RBFOX1: variants seen among roughly 807,000 people sequenced by gnomAD.
RBFOX1 encodes the protein RNA binding fox-1 homolog 1, also known as RNA binding protein fox-1 homolog 1.
A neutral mutation model predicts 57.7 loss-of-function variants in RBFOX1; 8 were observed. That is an observed-to-expected ratio of 0.14 (90% CI 0.08 to 0.25). RBFOX1 has a LOEUF of 0.25. Ranked by LOEUF, RBFOX1 falls within the 10% of genes least tolerant of loss-of-function variation. RBFOX1 has a pLI of 1.00. For synonymous variants in RBFOX1, 326 were observed against 222.4 expected, an observed-to-expected ratio of 1.47 and a Z score of -4.15; for missense variants, 611 against 548.5, an observed-to-expected ratio of 1.11 and a Z score of -1.14.
rs530503391 is a variant in RBFOX1, at chr16:7,475,539, C to T, written c.28-42608C>T. ...CCGTGTTAGGCATGATAGTCTTGATCTCCTGACCTCGTGATCACCCACCTT... is the reference window on the plus strand; with the variant it reads ...CCGTGTTAGGCATGATAGTCTTGATTTCCTGACCTCGTGATCACCCACCTT... On this transcript the variant is annotated intron_variant, in intron 4 of 15. Transcript: ENST00000550418. 7.9e-5 allele frequency among the ~76,000 whole-genome samples: 12 copies of T among 152,214 alleles called. No homozygotes were observed. The South Asian group carries it at 2.5e-3, about 32-fold the overall frequency.
intron 1 of RBFOX1, among the ~76,000 whole-genome samples, chr16:5,448,227 G>C (rs1335638986): frequency 2.0e-5 from 3 of 152,234 alleles, no homozygotes; most frequent in African/African-American, 4.8e-5. Flanking sequence ...AGACCTGGAC[G>C]CTGCATGTTT....
chr16:6,914,562 AT>A (rs201290114), intron 3 of RBFOX1, among the ~76,000 whole-genome samples: 31,332 of 149,652 alleles, frequency 0.21, 3,308 homozygotes, highest in Non-Finnish European at 0.22. Context: ...GAAAACAAAA[AT>A]AAAAAAAAAA....
At chr16:6,808,579 A>G (rs747671109) in intron 3 of RBFOX1, among the ~76,000 whole-genome samples, 1 of 152,128 alleles carries the variant, frequency 6.6e-6, no homozygotes, top group East Asian at 1.9e-4. Context: ...TAACTGCCAA[A>G]TTTATCATCT....
At chr16:6,602,278 C>A (rs1014929857) in intron 2 of RBFOX1, among the ~76,000 whole-genome samples, 1 of 152,148 alleles carries the variant, frequency 6.6e-6, no homozygotes, top group African/African-American at 2.4e-5. Context: ...GTTGCCTTTT[C>A]ACTCTTTTAA....
chr16:7,301,285 G>A (rs140198271), intron 4 of RBFOX1, among the ~76,000 whole-genome samples: 4 of 152,202 alleles, frequency 2.6e-5, no homozygotes, highest in Non-Finnish European at 5.9e-5. Flanking sequence ...TTATGGGAAG[G>A]GGACTTGTCC....
chr16:6,824,725 C>G (rs532544977), intron 3 of RBFOX1, among the ~76,000 whole-genome samples: 56 of 151,886 alleles, frequency 3.7e-4, no homozygotes, highest in Non-Finnish European at 7.1e-4. Flanking sequence ...TTTTACTTTT[C>G]TTTGAAAAAG....
intron 4 of RBFOX1, among the ~76,000 whole-genome samples, chr16:7,115,808 A>G (rs1312895235): frequency 6.6e-6 from 1 of 152,224 alleles, no homozygotes; most frequent in African/African-American, 2.4e-5. Context: ...GGAGTTACAC[A>G]TGAACAGGGA....
At chr16:6,756,473 A>G (rs2075804419) in intron 3 of RBFOX1, among the ~76,000 whole-genome samples, 2 of 152,212 alleles carry the variant, frequency 1.3e-5, no homozygotes, top group African/African-American at 4.8e-5. Flanking sequence ...ATAGGACTAT[A>G]TTAGACTAAA....
At chr16:6,338,302 C>T (rs2084047689) in intron 2 of RBFOX1, among the ~76,000 whole-genome samples, 1 of 152,120 alleles carries the variant, frequency 6.6e-6, no homozygotes, top group Non-Finnish European at 1.5e-5. Context: ...TCAAGATTAC[C>T]TATTTTTAAT....
intron 4 of RBFOX1, among the ~76,000 whole-genome samples, chr16:7,449,120 G>A (rs372806794): frequency 6.6e-6 from 1 of 151,700 alleles, no homozygotes; most frequent in African/African-American, 2.4e-5. Context: ...GTAGAGACGG[G>A]GTTTCTCCAT....
intron 4 of RBFOX1, among the ~76,000 whole-genome samples, chr16:7,285,746 G>C (rs112689183): frequency 0.03 from 4,598 of 152,212 alleles, 132 homozygotes; most frequent in East Asian, 0.13. Context: ...GTATTCCATG[G>C]TATGGATGTA....
At chr16:5,346,903 C>A (rs1188195840) in intron 1 of RBFOX1, among the ~76,000 whole-genome samples, 2 of 152,192 alleles carry the variant, frequency 1.3e-5, no homozygotes, top group African/African-American at 4.8e-5. Context: ...GACGTATATT[C>A]AGCATTCAGA....
At chr16:7,614,992 A>T (rs2058187483) in intron 10 of RBFOX1, 1 of 152,152 alleles carries the variant, frequency 6.6e-6, no homozygotes, top group Non-Finnish European at 1.5e-5. Flanking sequence ...GGAGGTGTAG[A>T]TGAGGGCATG....
intron 4 of RBFOX1, among the ~76,000 whole-genome samples, chr16:7,389,178 T>C (rs1223923414): frequency 6.6e-6 from 1 of 152,188 alleles, no homozygotes; most frequent in African/African-American, 2.4e-5. Context: ...CAGGCTGGAA[T>C]GCAGTGGTGT....
chr16:5,506,465 A>G (rs2043382686), intron 2 of RBFOX1, among the ~76,000 whole-genome samples: 1 of 152,160 alleles, frequency 6.6e-6, no homozygotes, highest in South Asian at 2.1e-4. Context: ...CCAGAGAAAA[A>G]CAAACAAATT....
At chr16:7,364,283 A>G (rs917584196) in intron 4 of RBFOX1, among the ~76,000 whole-genome samples, 3 of 152,142 alleles carry the variant, frequency 2.0e-5, no homozygotes, top group Non-Finnish European at 4.4e-5. Context: ...CCTTTGAAGT[A>G]TGAGATCTGT....
chr16:5,489,243 C>G (rs2042746375), intron 2 of RBFOX1, among the ~76,000 whole-genome samples: 1 of 152,242 alleles, frequency 6.6e-6, no homozygotes, highest in Admixed American at 6.5e-5. Flanking sequence ...CTTCCCTTGG[C>G]TGTGGCTAAC....
intron 1 of RBFOX1, among the ~76,000 whole-genome samples, chr16:6,275,877 CA>C (rs1441456348): frequency 6.6e-6 from 1 of 152,150 alleles, no homozygotes; most frequent in East Asian, 1.9e-4. Context: ...ACAATTTTGT[CA>C]TCACCATTTA....
intron 4 of RBFOX1, among the ~76,000 whole-genome samples, chr16:5,957,417 G>C (rs1266949138): frequency 6.6e-6 from 1 of 152,120 alleles, no homozygotes; most frequent in Non-Finnish European, 1.5e-5. Context: ...GTTTCACCAT[G>C]TTGGTCATGA....
Sources: gnomAD v4.1 joint callset for allele counts (sites outside exome capture counted in the v4.1 genomes callset) on GRCh38, gnomAD v4.1.1 for gene constraint, MANE v1.5 for transcripts, NCBI Gene and HGNC (gene_info 2026-07-23, HGNC 2026-07-21) for gene names.